The following USP6NL variants were observed in gnomAD, a reference collection of about 807,000 sequenced individuals.
The protein encoded by USP6NL is USP6 N-terminal like.
USP6NL carries 26 observed loss-of-function variants against 61.9 expected under a neutral mutation model. The observed-to-expected ratio is 0.42, with a 90% confidence interval of 0.31 to 0.58. The LOEUF (loss-of-function observed/expected upper bound fraction) is 0.58, where lower values mean the gene tolerates loss of function less well. USP6NL is among the 20% of genes least tolerant of loss of function. The pLI is 0.16. For missense variants in USP6NL, 1,114 were observed against 1,034.3 expected (o/e 1.08, Z -1.06); for synonymous variants, 432 against 390.1 (o/e 1.11, Z -1.27).
At chr10:11,545,702 C>T (rs1836247430) in intron 2 of USP6NL, among the ~76,000 whole-genome samples, 1 of 149,314 alleles carries the variant, frequency 6.7e-6, no homozygotes, top group African/African-American at 2.4e-5. Context: ...CTTTCCTGAT[C>T]AATGTACCTA....
At position 11,598,875 on chromosome 10, in the gene USP6NL, C is replaced by T. The variant is rs1040322540; in HGVS notation, c.-83-1158G>A. On this transcript the variant is annotated intron_variant, in intron 1 of 14. Transcript: ENST00000609104. This position sits in a 1 kb window ranked among gnomAD's most constrained non-coding sequence, Gnocchi z 4.7. ...AACAGACTGCATCAGCACTTACGTG[C>T]CCAGCATGGCCCGCACACTGTAATT... Among the ~76,000 whole-genome samples the T allele has an allele frequency of 6.6e-5, 10 of 152,198 alleles. No homozygotes were observed. Among genetic ancestry groups the T allele is most frequent in the African/African-American group, 2.4e-4 (10 of 41,450 alleles).
intron 2 of USP6NL, among the ~76,000 whole-genome samples, chr10:11,559,606 C>T (rs1836847836): frequency 6.6e-6 from 1 of 152,122 alleles, no homozygotes; most frequent in Non-Finnish European, 1.5e-5. Context: ...CATTATACTA[C>T]AGTAATAAAT....
rs778259995 is a variant in USP6NL at position 11,592,837 on chromosome 10, A to G, written c.4+4794T>C. 1.6e-4 allele frequency among the ~76,000 whole-genome samples: 25 copies of G among 152,230 alleles called. No homozygotes were observed. Among genetic ancestry groups the G allele is most frequent in the South Asian group, 6.2e-4 (3 of 4,830 alleles). Reference sequence around the variant, plus strand: ...CTACCACTGAGAGATTTAGTAATCTATTCATTTATTTATAACATTATCTGC... The same window carrying G: ...CTACCACTGAGAGATTTAGTAATCTGTTCATTTATTTATAACATTATCTGC... On this transcript the variant is annotated intron_variant, in intron 2 of 14. Transcript: ENST00000609104. The surrounding 1 kb of genome is among the most constrained non-coding windows in gnomAD (Gnocchi z 4.7).
At chr10:11,512,247 A>T (rs988450721) in intron 5 of USP6NL, among the ~76,000 whole-genome samples, 4 of 152,198 alleles carry the variant, frequency 2.6e-5, no homozygotes, top group Non-Finnish European at 5.9e-5. Flanking sequence ...TATTTTCCCA[A>T]ACATGCTGCT....
chr10:11,539,868 C>A (rs12221391), intron 2 of USP6NL, among the ~76,000 whole-genome samples: 1 of 152,156 alleles, frequency 6.6e-6, no homozygotes, highest in African/African-American at 2.4e-5. Flanking sequence ...TCACAAAAGC[C>A]TATGTTAGTT....
chr10:11,606,426 T>G (rs1451626508), intron 1 of USP6NL, among the ~76,000 whole-genome samples: 1 of 152,168 alleles, frequency 6.6e-6, no homozygotes, highest in Non-Finnish European at 1.5e-5. Flanking sequence ...GAAAATGAAA[T>G]GCAGTTAAGT....
At chr10:11,599,348 T>C (rs1303678081) in intron 1 of USP6NL, among the ~76,000 whole-genome samples, 1 of 152,236 alleles carries the variant, frequency 6.6e-6, no homozygotes, top group African/African-American at 2.4e-5. Context: ...TTTTTAATCT[T>C]AAATTTAAAA....
Position 11,461,087 on chromosome 10 carries a change from T to C in USP6NL, c.*1354A>G, listed in dbSNP as rs565949283. 12 of 152,588 alleles carry C rather than the reference T, an allele frequency of 7.9e-5. No individual in the cohort carries two copies. The highest frequency in any genetic ancestry group is 2.9e-4 in the African/African-American group (12 of 41,596). 9.5% of individuals were successfully genotyped at this position (152,588 alleles called of 1,614,324 possible). ...ACCTTGCAACAGGAAGAAACATCAA[T>C]GTCGGGTTTTCTACTATTCAAATAT... On this transcript the variant is annotated 3_prime_UTR_variant, in exon 15 of 15. Coordinates refer to ENST00000609104, the MANE Select transcript of USP6NL (RefSeq NM_014688.5).
rs555186738 is a variant in USP6NL, at chr10:11,481,778, G to A, written c.1070C>T (p.Pro357Leu). 11 of 1,608,654 alleles carry A rather than the reference G, an allele frequency of 6.8e-6. No homozygotes were observed. The East Asian group carries it at 2.2e-4, about 33-fold the overall frequency. The part of the protein sequence containing the change: ...TELKRAKLDL[P>L]EPGKEDEYPK... ...ATTGGGGTAATTCTTACCAGGTTCT[G>A]GAAGGTCTAACTTTGCCCGCTTTAG... The change falls in exon 14 of 15, where the codon CCA (proline) becomes CTA (leucine). Residue 357 changes from proline (P) to leucine (L), a missense_variant. Physicochemically the swap from Pro to Leu is moderately conservative, Grantham distance 98. Transcript: ENST00000609104. The surrounding 1 kb of genome is among the most constrained non-coding windows in gnomAD (Gnocchi z 4.4).
At chr10:11,488,222 C>T (rs958767403) in intron 10 of USP6NL, among the ~76,000 whole-genome samples, 9 of 152,020 alleles carry the variant, frequency 5.9e-5, no homozygotes, top group Non-Finnish European at 1.3e-4. Context: ...GACCAGCCTA[C>T]TCAACATAAG....
In USP6NL at chr10:11,463,257, C is replaced by T. The variant is rs1188783244; in HGVS notation, c.1671G>A (p.Pro557=). The change falls in exon 15 of 15, where the codon CCG becomes CCA. Residue 557 remains proline (P), a synonymous_variant. Transcript: ENST00000609104. The surrounding 1 kb of genome is among the most constrained non-coding windows in gnomAD (Gnocchi z 6.3). ...TASQYDNVPG[P]ELDSGASVEE... Reference sequence around the variant, plus strand: ...CCACGGAAGCGCCGCTGTCCAGCTCCGGGCCTGGCACGTTGTCGTACTGCG... The same window carrying T: ...CCACGGAAGCGCCGCTGTCCAGCTCTGGGCCTGGCACGTTGTCGTACTGCG... 16 of 1,613,652 alleles carry T rather than the reference C, an allele frequency of 9.9e-6. 1 individual carries two copies. The Middle Eastern group carries it at 8.2e-4, about 83-fold the overall frequency.
chr10:11,507,357 A>C (rs1181181664), intron 6 of USP6NL, among the ~76,000 whole-genome samples: 1 of 152,228 alleles, frequency 6.6e-6, no homozygotes, highest in African/African-American at 2.4e-5. Flanking sequence ...GCATAATATT[A>C]AACAAGAGAA....
Position 11,532,208 on chromosome 10 carries a change from A to C in USP6NL, c.5-4641T>G. On this transcript the variant is annotated intron_variant, in intron 2 of 14. Coordinates refer to ENST00000609104, the MANE Select transcript of USP6NL (RefSeq NM_014688.5). The surrounding 1 kb of genome is among the most constrained non-coding windows in gnomAD (Gnocchi z 4.1). ...GTGAGATAATCAGTCTGGCCTTGGG[A>C]ATTAACAACAGCTTCAGTCCTCATA... 1 of 1,604,638 alleles carries C rather than the reference A, an allele frequency of 6.2e-7. No homozygotes were observed. Among genetic ancestry groups the C allele is most frequent in the Non-Finnish European group, 8.5e-7 (1 of 1,174,970 alleles).
intron 14 of USP6NL, among the ~76,000 whole-genome samples, chr10:11,469,095 T>G (rs1731278983): frequency 6.6e-6 from 1 of 152,178 alleles, no homozygotes; most frequent in Admixed American, 6.5e-5. Flanking sequence ...AAGGAAAAGT[T>G]TAACACGTTC....
chr10:11,490,863 T>C lies in USP6NL; in HGVS notation c.512A>G (p.His171Arg), dbSNP rs375416835. The change falls in exon 9 of 15, where the codon CAT becomes CGT. Residue 171 changes from histidine (H) to arginine (R), a missense_variant. By Grantham distance (29) the His-to-Arg change is conservative (BLOSUM62 0). Coordinates refer to ENST00000609104, the MANE Select transcript of USP6NL (RefSeq NM_014688.5). The surrounding 1 kb of genome is among the most constrained non-coding windows in gnomAD (Gnocchi z 4.5). Reference sequence around the variant, plus strand: ...ATAAATAGAATAGGCAGCAAGCACATGGAATAAGGATTGTTGCCTAGAGAA... The same window carrying C: ...ATAAATAGAATAGGCAGCAAGCACACGGAATAAGGATTGTTGCCTAGAGAA... ...RYGVKQQSLF[H>R]VLAAYSIYNT... The C allele has an allele frequency of 3.9e-6, 6 of 1,548,738 alleles. No homozygotes were observed. The highest frequency in any genetic ancestry group is 4.4e-6 in the Non-Finnish European group (5 of 1,147,546).
chr10:11,508,186 T>G (rs1326934780), intron 6 of USP6NL, among the ~76,000 whole-genome samples: 1 of 152,238 alleles, frequency 6.6e-6, no homozygotes, highest in Admixed American at 6.5e-5. Flanking sequence ...TTTAAAATGT[T>G]TTTATTGTTC....
Position 11,485,268 on chromosome 10 carries a change from G to T in USP6NL, c.760-34C>A. 1 of 1,482,914 alleles carries T rather than the reference G, an allele frequency of 6.7e-7. No homozygotes were observed. Among genetic ancestry groups the T allele is most frequent in the African/African-American group, 1.4e-5 (1 of 69,862 alleles). The allele number at this position is 1,482,914 out of a possible 1,614,324, so 91.9% of individuals were successfully genotyped here. A position where few individuals can be genotyped will look rare whatever the true frequency, so the allele number is the denominator to read the frequency against. ...ACAAAGAGCTCACAATTTATGGATT[G>T]TAGCAAACTAAATTTAACAAAATAA... On this transcript the variant is annotated intron_variant, in intron 11 of 14. Transcript: ENST00000609104. This position sits in a 1 kb window ranked among gnomAD's most constrained non-coding sequence, Gnocchi z 4.8.
chr10:11,509,478 C>A, intron 6 of USP6NL, 117 bp downstream of exon 6: 2 of 1,018,290 alleles, frequency 2.0e-6, no homozygotes, highest in Non-Finnish European at 2.8e-6. Flanking sequence ...TAAATTAAAC[C>A]AAAATTTCAA....
chr10:11,497,755 A>AT (rs1359880759), intron 7 of USP6NL, among the ~76,000 whole-genome samples: 5 of 152,244 alleles, frequency 3.3e-5, no homozygotes, highest in Non-Finnish European at 5.9e-5. Context: ...GGAATGCAGG[A>AT]ATCAAACATA....
Sources: allele counts gnomAD v4.1 joint callset (sites outside exome capture counted in the v4.1 genomes callset), GRCh38; gene constraint gnomAD v4.1.1; non-coding constraint Gnocchi (gnomAD v3.1); transcripts MANE v1.5; gene names NCBI Gene and HGNC (gene_info 2026-07-23, HGNC 2026-07-21).